Variants in DAB1 observed in about 807,000 individuals in gnomAD.
DAB1 encodes the protein DAB adaptor protein 1.
DAB1 carries 15 observed loss-of-function variants against 64.6 expected under a neutral mutation model. The observed-to-expected ratio is 0.23, with a 90% CI of 0.16 to 0.36. The LOEUF is 0.36. Ranked by LOEUF, DAB1 falls within the 10% of genes least tolerant of loss-of-function variation. The probability of loss-of-function intolerance (pLI) is 1.00; values close to 1 mark genes in which losing one functional copy is unlikely to be tolerated. For synonymous variants in DAB1, 235 were observed against 251.9 expected, an observed-to-expected ratio of 0.93 and a Z score of 0.64; for missense variants, 596 against 706.7, an observed-to-expected ratio of 0.84 and a Z score of 1.78.
At chr1:57,027,157 C>A (rs1393695309) in intron 9 of DAB1, among the ~76,000 whole-genome samples, 2 of 152,136 alleles carry the variant, frequency 1.3e-5, no homozygotes, top group East Asian at 1.9e-4. Context: ...TTCTTTCCTA[C>A]TGGCAAGTGA....
chr1:57,205,315 C>G (rs1665448777), intron 2 of DAB1, among the ~76,000 whole-genome samples: 2 of 152,166 alleles, frequency 1.3e-5, no homozygotes, highest in Admixed American at 6.5e-5. Flanking sequence ...ACATATACAC[C>G]TCAAATACTT....
intron 7 of DAB1, among the ~76,000 whole-genome samples, chr1:57,591,396 C>A (rs527974960): frequency 6.6e-6 from 1 of 152,276 alleles, no homozygotes; most frequent in Admixed American, 6.5e-5. Context: ...TATGATATCA[C>A]CACAAATGTT....
intron 4 of DAB1, among the ~76,000 whole-genome samples, chr1:58,220,397 G>A (rs1453172501): frequency 6.6e-6 from 1 of 152,138 alleles, no homozygotes; most frequent in Non-Finnish European, 1.5e-5. Flanking sequence ...ATGAAACACT[G>A]GTTTAAAATA....
intron 4 of DAB1, among the ~76,000 whole-genome samples, chr1:58,338,757 A>C (rs1424580024): frequency 6.6e-6 from 1 of 152,218 alleles, no homozygotes; most frequent in Admixed American, 6.5e-5. Context: ...AAACAACCCA[A>C]ATGTCCATCA....
At chr1:57,087,318 G>A (rs1010671517) in intron 4 of DAB1, among the ~76,000 whole-genome samples, 11 of 152,246 alleles carry the variant, frequency 7.2e-5, no homozygotes, top group Admixed American at 1.3e-4. Context: ...CCTGGGCTGG[G>A]GGATCACGTA....
chr1:57,852,171 C>T (rs1653556216), intron 1 of DAB1, among the ~76,000 whole-genome samples: 1 of 152,152 alleles, frequency 6.6e-6, no homozygotes, highest in Non-Finnish European at 1.5e-5. Context: ...AACCTTTTCC[C>T]TTTTCCCCTG....
intron 5 of DAB1, among the ~76,000 whole-genome samples, chr1:58,092,058 C>T (rs1005778941): frequency 7.2e-5 from 11 of 151,916 alleles, no homozygotes; most frequent in South Asian, 4.2e-4. Context: ...ATGCCATCAC[C>T]GGGAGCGATG....
intron 6 of DAB1, among the ~76,000 whole-genome samples, chr1:57,671,606 T>C (rs1558596319): frequency 6.6e-6 from 1 of 152,132 alleles, no homozygotes; most frequent in African/African-American, 2.4e-5. Context: ...CTGTAGACCA[T>C]CAGACTGCCC....
chr1:57,979,949 G>T (rs1227594983), intron 5 of DAB1, among the ~76,000 whole-genome samples: 1 of 152,024 alleles, frequency 6.6e-6, no homozygotes, highest in Non-Finnish European at 1.5e-5. Context: ...AAAAAGAAAG[G>T]ACTTGTTCAT....
intron 3 of DAB1, among the ~76,000 whole-genome samples, chr1:58,352,148 A>T (rs1050805038): frequency 8.6e-5 from 13 of 151,964 alleles, no homozygotes; most frequent in African/African-American, 3.1e-4. Context: ...ATATGTAAGC[A>T]CTTCCTACAG....
chr1:57,206,180 A>G (rs264036), intron 2 of DAB1, among the ~76,000 whole-genome samples: 36,660 of 152,152 alleles, frequency 0.24, 5,257 homozygotes, highest in Non-Finnish European at 0.33. Flanking sequence ...AATTTAGGGA[A>G]CTAAGAGCTT....
chr1:57,796,486 C>A (rs894887622), intron 6 of DAB1, among the ~76,000 whole-genome samples: 1 of 151,628 alleles, frequency 6.6e-6, no homozygotes, highest in Non-Finnish European at 1.5e-5. Context: ...GAGATCGTGC[C>A]GCTGCATTCC....
chr1:57,177,337 G>A (rs1662438151), intron 2 of DAB1, among the ~76,000 whole-genome samples: 1 of 152,088 alleles, frequency 6.6e-6, no homozygotes, highest in Non-Finnish European at 1.5e-5. Context: ...ATGTTGTGTA[G>A]GATAAACAGG....
chr1:57,744,424 G>A (rs1170185423), intron 6 of DAB1, among the ~76,000 whole-genome samples: 2 of 148,804 alleles, frequency 1.3e-5, no homozygotes, highest in African/African-American at 5.1e-5. Flanking sequence ...AACCATTTGA[G>A]TGAAACTCTG....
rs143785928 is a variant in DAB1, at chr1:58,136,000, C to G, written n.387+14511G>C. Among the ~76,000 whole-genome samples the G allele has an allele frequency of 1.5e-3, 228 of 152,210 alleles. 2 individuals carry two copies. Among genetic ancestry groups the G allele is most frequent in the African/African-American group, 5.3e-3 (219 of 41,524 alleles). On this transcript the variant is annotated intron_variant and non_coding_transcript_variant, in intron 5 of 20. Transcript: ENST00000485760. ...AATGCAGGGCTAGATGCAGGAACAT[C>G]AAGACCACCAGAGACCAGTCACATT...
At chr1:57,896,167 T>C (rs1569941568) in intron 5 of DAB1, among the ~76,000 whole-genome samples, 1 of 152,162 alleles carries the variant, frequency 6.6e-6, no homozygotes, top group East Asian at 1.9e-4. Flanking sequence ...ACCCTAGTTA[T>C]GTCACACAAC....
intron 2 of DAB1, among the ~76,000 whole-genome samples, chr1:57,193,608 G>T (rs1406891248): frequency 6.6e-6 from 1 of 152,018 alleles, no homozygotes; most frequent in African/African-American, 2.4e-5. Flanking sequence ...GGATGGTCTC[G>T]ATCTCCTGAC....
intron 9 of DAB1, chr1:57,033,269 C>T (rs1647022817): frequency 1.9e-6 from 2 of 1,074,852 alleles, no homozygotes; most frequent in African/African-American, 1.6e-5. Flanking sequence ...TGAATAGGTA[C>T]CTACTAGAGC....
intron 7 of DAB1, among the ~76,000 whole-genome samples, chr1:57,440,067 A>G (rs1685882548): frequency 1.3e-5 from 2 of 152,260 alleles, no homozygotes; most frequent in South Asian, 4.1e-4. Context: ...TACTTTGCTC[A>G]TACTGTTTCC....
Sources: gnomAD v4.1 joint callset for allele counts (sites outside exome capture counted in the v4.1 genomes callset) on GRCh38, gnomAD v4.1.1 for gene constraint, MANE v1.5 for transcripts, NCBI Gene and HGNC (gene_info 2026-07-23, HGNC 2026-07-21) for gene names.